LMNTD1: variants seen among roughly 807,000 people sequenced by gnomAD.
LMNTD1 encodes lamin tail domain-containing protein 1.
In LMNTD1, 35 loss-of-function variants were observed where a neutral mutation model predicts 50.9. The ratio of observed to expected loss-of-function variants is 0.69; its 90% CI spans 0.53 to 0.91. The LOEUF (loss-of-function observed/expected upper bound fraction) is 0.91, where lower values mean the gene tolerates loss of function less well. Among genes scored for constraint, LMNTD1 ranks in the 40% least tolerant of loss-of-function variants. The pLI, the probability that LMNTD1 is intolerant of heterozygous loss-of-function variation, is 0.00. For synonymous variants in LMNTD1, 153 were observed against 161.9 expected (o/e 0.94, Z 0.42); for missense variants, 470 against 475.5 (o/e 0.99, Z 0.11).
chr12:25,630,140 G>A (rs1379924784), intron 1 of LMNTD1, among the ~76,000 whole-genome samples: 3 of 152,142 alleles, frequency 2.0e-5, no homozygotes, highest in South Asian at 2.1e-4. Context: ...AGCATCCAAC[G>A]CTATATGCTC....
intron 4 of LMNTD1, among the ~76,000 whole-genome samples, chr12:25,533,871 G>T (rs1370198539): frequency 6.6e-6 from 1 of 152,182 alleles, no homozygotes; most frequent in Admixed American, 6.5e-5. Flanking sequence ...CCTCAAAATT[G>T]TTTTAAACCA....
chr12:25,527,640 CTATATATATA>C (rs61347000), intron 4 of LMNTD1, among the ~76,000 whole-genome samples: 197 of 61,668 alleles, frequency 3.2e-3, no homozygotes, highest in Non-Finnish European at 4.7e-3. Context: ...CTTAATAACA[CTATATATATA>C]TATATATATA....
At chr12:25,647,922 A>T (rs1947108864) in intron 1 of LMNTD1, among the ~76,000 whole-genome samples, 1 of 152,182 alleles carries the variant, frequency 6.6e-6, no homozygotes, top group African/African-American at 2.4e-5. Context: ...TTATCTGAGG[A>T]TGTTTTCTCT....
At chr12:25,553,344 C>A, upstream of LMNTD1, 1 of 980,370 alleles carries the variant, frequency 1.0e-6, no homozygotes, top group Non-Finnish European at 1.4e-6. Flanking sequence ...CCATAGTAAC[C>A]AAGTTCCAGT....
intron 4 of LMNTD1, among the ~76,000 whole-genome samples, chr12:25,544,749 A>C (rs1422255140): frequency 6.6e-6 from 1 of 151,720 alleles, no homozygotes; most frequent in Non-Finnish European, 1.5e-5. Context: ...TGAGGCTTAC[A>C]AAAAACATCT....
Position 25,541,231 on chromosome 12 carries a change from A to T in LMNTD1, c.491+5143T>A, listed in dbSNP as rs1053459696. The stretch of plus-strand genomic sequence containing the variant: ...CACAGAATTGGAAAAAACTACTTTA[A>T]AGTTCATATGGAACCAAAAAAGAGC... On this transcript the variant is annotated intron_variant, in intron 4 of 9. Transcript: ENST00000458174. Among the ~76,000 whole-genome samples the T allele has an allele frequency of 2.5e-5, 2 of 80,872 alleles. 1 individual carries two copies. Among genetic ancestry groups the T allele is most frequent in the African/African-American group, 7.0e-5 (2 of 28,644 alleles). The allele number at this position is 80,872 out of a possible 152,430, so 53.1% of individuals were successfully genotyped here.
intron 6 of LMNTD1, among the ~76,000 whole-genome samples, chr12:25,521,556 G>A (rs1303327213): frequency 6.6e-6 from 1 of 152,188 alleles, no homozygotes; most frequent in Non-Finnish European, 1.5e-5. Flanking sequence ...TCTCAGGTAG[G>A]TAAGTTACTT....
chr12:25,508,843 T>A (rs1940028362), intron 8 of LMNTD1, among the ~76,000 whole-genome samples: 1 of 151,960 alleles, frequency 6.6e-6, no homozygotes, highest in Non-Finnish European at 1.5e-5. Flanking sequence ...GCTTTAGGAG[T>A]TTTGCAAATA....
At chr12:25,566,279 T>G (rs1202522265) in intron 1 of LMNTD1, among the ~76,000 whole-genome samples, 1 of 152,156 alleles carries the variant, frequency 6.6e-6, no homozygotes, top group African/African-American at 2.4e-5. Flanking sequence ...TGCTTCATAG[T>G]TTTTTATTCT....
intron 1 of LMNTD1, among the ~76,000 whole-genome samples, chr12:25,611,766 A>T (rs949722555): frequency 6.6e-6 from 1 of 152,218 alleles, no homozygotes; most frequent in Admixed American, 6.5e-5. Context: ...GGTCTTGGAA[A>T]ATGAGCCTGA....
At chr12:25,603,172 G>A (rs1453827769) in intron 1 of LMNTD1, among the ~76,000 whole-genome samples, 1 of 151,994 alleles carries the variant, frequency 6.6e-6, no homozygotes, top group South Asian at 2.1e-4. Flanking sequence ...TTGATTTAGT[G>A]TCAGTTAATT....
intron 4 of LMNTD1, 27 bp downstream of exon 4, chr12:25,546,347 A>G: frequency 6.8e-7 from 1 of 1,467,406 alleles, no homozygotes; most frequent in Non-Finnish European, 9.3e-7. Context: ...GACAGAAGAT[A>G]CTAAGTAGTT....
Position 25,519,892 on chromosome 12 carries a change from A to G in LMNTD1, c.982T>C (p.Tyr328His). The part of the protein sequence containing the change: ...QDQPKKDISN[Y>H]QVEQAQVLLK... ...AGAACTTGAGCTTGTTCCACCTGAT[A>G]ATTTGAGATATCTTTCTTAGGTTGA... The change falls in exon 7 of 10, where the codon TAT becomes CAT. Residue 328 changes from tyrosine (Y) to histidine (H), a missense_variant. Physicochemically the swap from Tyr to His is moderately conservative, Grantham distance 83 (BLOSUM62 2). Coordinates refer to ENST00000458174, the MANE Select transcript of LMNTD1 (RefSeq NM_001145728.2). The G allele has an allele frequency of 6.2e-7, 1 of 1,611,394 alleles. No homozygotes were observed. Among genetic ancestry groups the G allele is most frequent in the Non-Finnish European group, 8.5e-7 (1 of 1,178,994 alleles).
intron 9 of LMNTD1, among the ~76,000 whole-genome samples, chr12:25,502,036 A>AT (rs1236532281): frequency 1.3e-5 from 2 of 152,180 alleles, no homozygotes; most frequent in Admixed American, 1.3e-4. Context: ...GGGTGGGCAG[A>AT]TTTTTTTAAA....
At chr12:25,566,410 T>C (rs1053508763) in intron 1 of LMNTD1, among the ~76,000 whole-genome samples, 7 of 152,214 alleles carry the variant, frequency 4.6e-5, no homozygotes, top group African/African-American at 1.4e-4. Context: ...CCAATTGTGG[T>C]GCTATAAATA....
At chr12:25,572,614 G>A (rs1944842104) in intron 1 of LMNTD1, among the ~76,000 whole-genome samples, 1 of 152,152 alleles carries the variant, frequency 6.6e-6, no homozygotes, top group Non-Finnish European at 1.5e-5. Flanking sequence ...AAGGGAGAGA[G>A]TTGAGAATAT....
intron 1 of LMNTD1, among the ~76,000 whole-genome samples, chr12:25,639,987 T>A (rs929942726): frequency 2.6e-5 from 4 of 152,186 alleles, no homozygotes; most frequent in Non-Finnish European, 5.9e-5. Flanking sequence ...GAACTACTGA[T>A]ACATACTACC....
At chr12:25,609,847 C>T (rs1484522590) in intron 1 of LMNTD1, among the ~76,000 whole-genome samples, 1 of 152,222 alleles carries the variant, frequency 6.6e-6, no homozygotes, top group Non-Finnish European at 1.5e-5. Flanking sequence ...GCTCAAACAC[C>T]ATGCTGGGAG....
intron 2 of LMNTD1, among the ~76,000 whole-genome samples, chr12:25,551,844 T>C (rs1943762413): frequency 6.6e-6 from 1 of 152,212 alleles, no homozygotes; most frequent in Non-Finnish European, 1.5e-5. Context: ...AGTGGTTAGT[T>C]AACTTTCCCT....
Sources: gnomAD v4.1 joint callset for allele counts (sites outside exome capture counted in the v4.1 genomes callset) on GRCh38, gnomAD v4.1.1 for gene constraint, MANE v1.5 for transcripts, NCBI Gene and HGNC (gene_info 2026-07-23, HGNC 2026-07-21) for gene names.